NRG1: variants seen among roughly 807,000 people sequenced by gnomAD.
NRG1 encodes neuregulin 1.
A neutral mutation model predicts 63.8 loss-of-function variants in NRG1; 18 were observed. The observed-to-expected ratio is 0.28, with a 90% CI of 0.19 to 0.42. The LOEUF is 0.42. Among genes scored for constraint, NRG1 ranks in the 10% least tolerant of loss-of-function variants. NRG1 has a pLI of 1.00. For missense variants in NRG1, 762 were observed against 814.7 expected, an observed-to-expected ratio of 0.94 and a Z score of 0.79; for synonymous variants, 302 against 301.3, an observed-to-expected ratio of 1.00 and a Z score of -0.02.
At chr8:31,716,526 A>G (rs1812365559) in intron 1 of NRG1, among the ~76,000 whole-genome samples, 4 of 152,362 alleles carry the variant, frequency 2.6e-5, no homozygotes, top group Admixed American at 6.5e-5. Flanking sequence ...CTCTTCAAAC[A>G]TTATCAGAGA....
chr8:32,545,163 G>A (rs539832085), upstream of NRG1, among the ~76,000 whole-genome samples: 1 of 152,156 alleles, frequency 6.6e-6, no homozygotes, highest in African/African-American at 2.4e-5. Flanking sequence ...GATTTACTGA[G>A]AGGATATATT....
intron 1 of NRG1, among the ~76,000 whole-genome samples, chr8:31,853,745 G>A (rs1249179416): frequency 6.6e-6 from 1 of 151,526 alleles, no homozygotes; most frequent in Non-Finnish European, 1.5e-5. Context: ...ATTGGCTGTG[G>A]GTTTGTCATA....
At chr8:32,513,379 A>G (rs1829445745) in intron 1 of NRG1, among the ~76,000 whole-genome samples, 1 of 151,718 alleles carries the variant, frequency 6.6e-6, no homozygotes. Flanking sequence ...GAAAAAGGGA[A>G]AGGAGTGAAA....
intron 5 of NRG1, among the ~76,000 whole-genome samples, chr8:32,618,436 G>A (rs909928143): frequency 1.3e-5 from 2 of 152,140 alleles, no homozygotes; most frequent in African/African-American, 4.8e-5. Flanking sequence ...TTGGGGAACT[G>A]AAATAAATCT....
At chr8:32,327,230 G>C (rs191951563) in intron 1 of NRG1, among the ~76,000 whole-genome samples, 40 of 152,326 alleles carry the variant, frequency 2.6e-4, no homozygotes, top group Non-Finnish European at 5.1e-4. Context: ...TGAATGGTGT[G>C]ATCCAACTTT....
chr8:32,324,697 T>G (rs1301794683), intron 1 of NRG1, among the ~76,000 whole-genome samples: 1 of 152,190 alleles, frequency 6.6e-6, no homozygotes, highest in Non-Finnish European at 1.5e-5. Context: ...AATAAAAAAT[T>G]GGAAAATTTA....
chr8:32,331,365 C>CAAAAAAAAAA (rs35510271), intron 1 of NRG1, among the ~76,000 whole-genome samples: 1 of 115,500 alleles, frequency 8.7e-6, no homozygotes. Flanking sequence ...ACAAAAAATA[C>CAAAAAAAAAA]AAAAAAAAAA....
At chr8:32,028,249 T>A (rs1817762997) in intron 1 of NRG1, among the ~76,000 whole-genome samples, 2 of 152,196 alleles carry the variant, frequency 1.3e-5, no homozygotes. Context: ...TGAATGTGGT[T>A]TCTTTCTTCT....
exon 12 of NRG1, chr8:32,763,936 T>A (rs1190803279): frequency 6.2e-7 from 1 of 1,613,988 alleles, no homozygotes; most frequent in Admixed American, 1.7e-5. Context: ...CCACCAAGGC[T>A]GCGGGAGAAG....
chr8:31,764,660 T>G (rs948729549), intron 1 of NRG1, among the ~76,000 whole-genome samples: 1 of 152,220 alleles, frequency 6.6e-6, no homozygotes, highest in African/African-American at 2.4e-5. Context: ...ATGTCAATTA[T>G]GGGAGAATTT....
chr8:31,860,084 C>A (rs901804645), intron 1 of NRG1, among the ~76,000 whole-genome samples: 1 of 152,100 alleles, frequency 6.6e-6, no homozygotes, highest in African/African-American at 2.4e-5. Flanking sequence ...GCAGTAGATC[C>A]AAATGTATTT....
intron 5 of NRG1, chr8:32,647,179 C>G (rs757343877): frequency 1.0e-6 from 1 of 985,258 alleles, no homozygotes; most frequent in Non-Finnish European, 1.2e-6. Flanking sequence ...CCCTTTCAGC[C>G]GTCGTCGCGT....
intron 1 of NRG1, among the ~76,000 whole-genome samples, chr8:31,732,613 A>G (rs961495488): frequency 6.6e-6 from 1 of 152,160 alleles, no homozygotes; most frequent in Non-Finnish European, 1.5e-5. Context: ...TATATTGGCC[A>G]GAGACAGTGT....
intron 1 of NRG1, among the ~76,000 whole-genome samples, chr8:32,054,859 C>CTTT (rs1425879994): frequency 4.2e-5 from 3 of 70,686 alleles, no homozygotes; most frequent in African/African-American, 1.7e-4. Context: ...AGATTTCTTT[C>CTTT]TTTCTTTTTT....
At chr8:31,947,644 G>A (rs1215600685) in intron 1 of NRG1, among the ~76,000 whole-genome samples, 5 of 151,832 alleles carry the variant, frequency 3.3e-5, no homozygotes, top group African/African-American at 4.8e-5. Context: ...CCATGCAAAC[G>A]TAGAAATACC....
chr8:32,426,406 T>C (rs1179584490), intron 1 of NRG1, among the ~76,000 whole-genome samples: 1 of 152,230 alleles, frequency 6.6e-6, no homozygotes. Flanking sequence ...GTTCAGATGT[T>C]AGAAACTTTT....
chr8:32,061,417 T>A (rs548530365), intron 1 of NRG1, among the ~76,000 whole-genome samples: 26 of 152,104 alleles, frequency 1.7e-4, no homozygotes, highest in African/African-American at 6.3e-4. Context: ...TGTGATGACT[T>A]TTTTTTCTGA....
chr8:32,463,290 T>C (rs1378897709), intron 1 of NRG1, among the ~76,000 whole-genome samples: 1 of 152,188 alleles, frequency 6.6e-6, no homozygotes, highest in Non-Finnish European at 1.5e-5. Context: ...GAGGTGTTTA[T>C]TTCATCTCTT....
rs181467602 is a variant in NRG1, at chr8:31,915,947, G to A, written c.37+276516G>A. On this transcript the variant is annotated intron_variant, in intron 1 of 10. Coordinates refer to the NRG1 transcript ENST00000519301. ...TAAATAAGCATTTCTCAAATGGTTG[G>A]TCCTTACTACCAAGCATATTCTGGA... Among the ~76,000 whole-genome samples, 751 of 152,132 alleles carry A rather than the reference G, an allele frequency of 4.9e-3. 12 individuals are homozygous for A. The highest frequency in any genetic ancestry group is 0.018 in the African/African-American group (728 of 41,508).
Sources: allele counts gnomAD v4.1 joint callset (sites outside exome capture counted in the v4.1 genomes callset), GRCh38; gene constraint gnomAD v4.1.1; transcripts MANE v1.5; gene names NCBI Gene and HGNC (gene_info 2026-07-23, HGNC 2026-07-21).